The following SNX29 variants were observed in gnomAD, a reference collection of about 807,000 sequenced individuals.
SNX29 encodes sorting nexin 29.
A neutral mutation model predicts 102.1 loss-of-function variants in SNX29; 78 were observed. That is an observed-to-expected ratio of 0.76 (90% CI 0.64 to 0.92). The LOEUF is 0.92. SNX29 is among the 40% of genes least tolerant of loss of function. SNX29 has a pLI of 0.00. For missense variants in SNX29, 1,280 were observed against 1,061.7 expected (o/e 1.21, Z -2.86); for synonymous variants, 580 against 414.5 (o/e 1.40, Z -4.85).
chr16:12,251,379 C>T (rs1004475272), intron 14 of SNX29, among the ~76,000 whole-genome samples: 10 of 152,082 alleles, frequency 6.6e-5, no homozygotes, highest in Admixed American at 1.3e-4. Context: ...TTTTAATGAC[C>T]TTACCTTTAT....
rs2084047185 is a variant in SNX29 at position 12,403,578 on chromosome 16, C to G, written c.2037+49C>G. ...ACATCACAGCTGGGTGGAAAAACGCCCATTTGTCATGCTGTGGTGCTTTTT... is the reference window on the plus strand; with the variant it reads ...ACATCACAGCTGGGTGGAAAAACGCGCATTTGTCATGCTGTGGTGCTTTTT... On this transcript the variant is annotated intron_variant, in intron 18 of 20. Transcript: ENST00000566228. 8 of 1,531,266 alleles carry G rather than the reference C, an allele frequency of 5.2e-6. No individual in the cohort carries two copies. The South Asian group carries it at 5.9e-5, about 11-fold the overall frequency. 94.9% of individuals were successfully genotyped at this position (1,531,266 alleles called of 1,614,324 possible).
At chr16:12,099,579 G>A (rs552557988) in intron 11 of SNX29, among the ~76,000 whole-genome samples, 3 of 152,316 alleles carry the variant, frequency 2.0e-5, no homozygotes, top group East Asian at 1.9e-4. Flanking sequence ...CCCCCACAGC[G>A]TTCTGGCCCG....
At chr16:12,488,964 T>C (rs1261825856) in intron 19 of SNX29, among the ~76,000 whole-genome samples, 2 of 152,164 alleles carry the variant, frequency 1.3e-5, no homozygotes, top group Non-Finnish European at 1.5e-5. Flanking sequence ...CCGTTGGGCA[T>C]TAAACGTTGG....
chr16:12,111,031 C>G (rs1018673392), intron 11 of SNX29, among the ~76,000 whole-genome samples: 4 of 152,042 alleles, frequency 2.6e-5, no homozygotes, highest in African/African-American at 9.7e-5. Flanking sequence ...TATGTTGCCT[C>G]AAACTCCTAG....
chr16:12,446,986 G>A (rs2086085992), intron 18 of SNX29, among the ~76,000 whole-genome samples: 1 of 151,500 alleles, frequency 6.6e-6, no homozygotes. Context: ...CCAACATGGT[G>A]AGACCCCGTC....
intron 10 of SNX29, among the ~76,000 whole-genome samples, chr16:12,075,102 G>C (rs1210373023): frequency 6.6e-6 from 1 of 152,072 alleles, no homozygotes; most frequent in African/African-American, 2.4e-5. Context: ...CTTTGCCTTT[G>C]GTTTGAATTT....
At position 12,157,129 on chromosome 16, in the gene SNX29, C is replaced by G. The variant is rs189553939; in HGVS notation, c.1595+27371C>G. 1.1e-4 allele frequency among the ~76,000 whole-genome samples: 16 copies of G among 152,228 alleles called. No homozygotes were observed. In the South Asian group the frequency reaches 2.9e-3, roughly 28 times the overall value. On this transcript the variant is annotated intron_variant, in intron 13 of 20. Transcript: ENST00000566228. ...GCAGGTGGGCAGCCGGAGAGTCCCC[C>G]GAGGAGTGTGGAGAACATGCCTCGC...
intron 20 of SNX29, among the ~76,000 whole-genome samples, chr16:12,560,197 C>T (rs960396155): frequency 1.5e-5 from 2 of 135,652 alleles, no homozygotes; most frequent in Non-Finnish European, 3.1e-5. Flanking sequence ...TTAACTTGTG[C>T]TTGTAGAAGA....
chr16:12,440,891 C>T (rs977965389), intron 18 of SNX29, among the ~76,000 whole-genome samples: 1 of 152,150 alleles, frequency 6.6e-6, no homozygotes, highest in African/African-American at 2.4e-5. Flanking sequence ...AATAGTACTG[C>T]AGTGAATATG....
rs57004308 is a variant in SNX29, at chr16:12,423,717, C to T, written c.2037+20188C>T. ...TCCCGAATAGCTGGGGTTACAGGCG[C>T]GCACCACCAAGCCTGGCTAAGTTTT... On this transcript the variant is annotated intron_variant, in intron 18 of 20. Transcript: ENST00000566228. 7.5e-3 allele frequency among the ~76,000 whole-genome samples: 1,145 copies of T among 152,234 alleles called. 17 individuals carry two copies. The highest frequency in any genetic ancestry group is 0.025 in the African/African-American group (1,035 of 41,544).
intron 20 of SNX29, among the ~76,000 whole-genome samples, chr16:12,554,277 A>T (rs1020798639): frequency 2.0e-5 from 3 of 152,238 alleles, no homozygotes; most frequent in African/African-American, 7.2e-5. Flanking sequence ...ATCTGTGTAT[A>T]CATGGGTGCT....
rs12102595 is a variant in SNX29, at chr16:12,470,100, A to C, written c.2038-7619A>C. Among the ~76,000 whole-genome samples, 553 of 152,362 alleles carry C rather than the reference A, an allele frequency of 3.6e-3. 6 individuals are homozygous for C. Among genetic ancestry groups the C allele is most frequent in the African/African-American group, 0.013 (520 of 41,592 alleles). On this transcript the variant is annotated intron_variant, in intron 18 of 20. Coordinates refer to ENST00000566228, the MANE Select transcript of SNX29 (RefSeq NM_032167.5). ...GTCTGGCACCTGACAGGTGCTGTGA[A>C]ATGGTACAGCTTTTTCTGTACGTCC... is the stretch of plus-strand genomic sequence containing the variant.
At chr16:12,290,706 C>A (rs187612683) in intron 15 of SNX29, among the ~76,000 whole-genome samples, 47 of 152,304 alleles carry the variant, frequency 3.1e-4, no homozygotes, top group African/African-American at 1.1e-3. Flanking sequence ...ATTTCCTAGT[C>A]TCCTTTATGG....
chr16:12,491,674 C>A (rs1279523494), intron 19 of SNX29, among the ~76,000 whole-genome samples: 3 of 151,970 alleles, frequency 2.0e-5, no homozygotes, highest in South Asian at 2.1e-4. Flanking sequence ...TGCTATCCCT[C>A]CCCCTTCCCC....
At chr16:12,562,703 T>C (rs1461795943) in intron 20 of SNX29, among the ~76,000 whole-genome samples, 1 of 152,186 alleles carries the variant, frequency 6.6e-6, no homozygotes, top group Admixed American at 6.5e-5. Flanking sequence ...GGAGTCGAGA[T>C]TGAAGCCTAC....
chr16:12,529,243 C>G (rs192616258), intron 20 of SNX29, among the ~76,000 whole-genome samples: 21 of 152,286 alleles, frequency 1.4e-4, no homozygotes, highest in Admixed American at 1.4e-3. Flanking sequence ...GGACCAGAGT[C>G]TACTCCCCAA....
intron 18 of SNX29, among the ~76,000 whole-genome samples, chr16:12,461,978 A>AAAAATAT (rs1555544501): frequency 4.4e-4 from 12 of 27,352 alleles, no homozygotes; most frequent in African/African-American, 1.5e-3. Flanking sequence ...AAAAAAAAAA[A>AAAAATAT]ATATATATAT....
At chr16:12,446,711 C>T (rs2086071648) in intron 18 of SNX29, among the ~76,000 whole-genome samples, 1 of 152,142 alleles carries the variant, frequency 6.6e-6, no homozygotes, top group Non-Finnish European at 1.5e-5. Context: ...CAACACTTAA[C>T]ATGGATGAGG....
At chr16:12,260,579 A>G (rs1036228382) in intron 14 of SNX29, among the ~76,000 whole-genome samples, 2 of 152,128 alleles carry the variant, frequency 1.3e-5, no homozygotes, top group Non-Finnish European at 2.9e-5. Flanking sequence ...GGGGGCATCC[A>G]TGTCCTCCTG....
Sources: gnomAD v4.1 joint callset for allele counts (sites outside exome capture counted in the v4.1 genomes callset) on GRCh38, gnomAD v4.1.1 for gene constraint, MANE v1.5 for transcripts, NCBI Gene and HGNC (gene_info 2026-07-23, HGNC 2026-07-21) for gene names.